The following AGBL1 variants were observed in gnomAD, a reference collection of about 807,000 sequenced individuals.
The protein encoded by AGBL1 is AGBL carboxypeptidase 1.
Under a neutral mutation model 118.9 loss-of-function variants are expected in AGBL1, and 130 were observed. The ratio of observed to expected loss-of-function variants is 1.09; its 90% CI spans 0.95 to 1.26. AGBL1 has a LOEUF of 1.26. Among genes scored for constraint, AGBL1 ranks in the 50% most tolerant of loss-of-function variants. The pLI is 0.00. For missense variants in AGBL1, 1,584 were observed against 1,298.1 expected (o/e 1.22, Z -3.38); for synonymous variants, 555 against 478.9 (o/e 1.16, Z -2.08).
At chr15:86,246,700 G>A (rs1038663539) in intron 6 of AGBL1, among the ~76,000 whole-genome samples, 1 of 136,526 alleles carries the variant, frequency 7.3e-6, no homozygotes, top group South Asian at 2.4e-4. Flanking sequence ...CTTAAGTCAT[G>A]CCTAAAAAAT....
intron 19 of AGBL1, among the ~76,000 whole-genome samples, chr15:86,527,031 G>C (rs1567040869): frequency 6.6e-6 from 1 of 152,108 alleles, no homozygotes; most frequent in Non-Finnish European, 1.5e-5. Flanking sequence ...CTACACTGCT[G>C]AAAATGTACA....
intron 6 of AGBL1, among the ~76,000 whole-genome samples, chr15:86,226,490 T>A (rs2078365771): frequency 6.6e-6 from 1 of 152,176 alleles, no homozygotes; most frequent in South Asian, 2.1e-4. Flanking sequence ...ACATACACAC[T>A]TTCCTTAGCT....
chr15:86,567,996 C>T (rs2083941526), intron 21 of AGBL1, among the ~76,000 whole-genome samples: 1 of 152,116 alleles, frequency 6.6e-6, no homozygotes, highest in South Asian at 2.1e-4. Flanking sequence ...TTCTGATCTT[C>T]TTTGGGATAG....
intron 6 of AGBL1, among the ~76,000 whole-genome samples, chr15:86,233,219 A>G (rs1681695862): frequency 6.6e-6 from 1 of 152,226 alleles, no homozygotes; most frequent in Non-Finnish European, 1.5e-5. Context: ...CTCTGGGTTC[A>G]ATGCAGCCAT....
chr15:86,283,543 GA>G (rs1264678121), intron 16 of AGBL1, among the ~76,000 whole-genome samples: 1 of 151,940 alleles, frequency 6.6e-6, no homozygotes, highest in African/African-American at 2.4e-5. Context: ...AGAAAGAAAA[GA>G]AAAGGAATTA....
chr15:86,736,782 G>C (rs937516728), intron 22 of AGBL1, among the ~76,000 whole-genome samples: 1 of 152,094 alleles, frequency 6.6e-6, no homozygotes, highest in South Asian at 2.1e-4. Context: ...TTAATACCTG[G>C]CTTTTAGACA....
chr15:86,388,464 T>TA (rs2081229593), intron 17 of AGBL1, among the ~76,000 whole-genome samples: 1 of 152,178 alleles, frequency 6.6e-6, no homozygotes, highest in South Asian at 2.1e-4. Context: ...TTGCCATTGA[T>TA]AATCATTAAA....
chr15:86,695,340 G>T lies in AGBL1; in HGVS notation c.3158+20904G>T, dbSNP rs117208296. ...AACTGGGAGGGTTGTATATCTCCAAGAATTTATCCATCTCCTCTAGGTTTT... is the reference window on the plus strand; with the variant it reads ...AACTGGGAGGGTTGTATATCTCCAATAATTTATCCATCTCCTCTAGGTTTT... On this transcript the variant is annotated intron_variant, in intron 22 of 22. Transcript: ENST00000614907. Among the ~76,000 whole-genome samples, 252 of 152,128 alleles carry T rather than the reference G, an allele frequency of 1.7e-3. 3 individuals carry two copies. The East Asian group carries it at 0.02, about 12-fold the overall frequency.
chr15:86,156,468 C>T (rs561307454), intron 4 of AGBL1, among the ~76,000 whole-genome samples: 1 of 152,180 alleles, frequency 6.6e-6, no homozygotes, highest in Non-Finnish European at 1.5e-5. Flanking sequence ...TCTAAAGGCC[C>T]TATCTCCAGA....
At chr15:86,921,360 G>A (rs1315528152) in intron 23 of AGBL1, among the ~76,000 whole-genome samples, 3 of 152,142 alleles carry the variant, frequency 2.0e-5, no homozygotes, top group Non-Finnish European at 4.4e-5. Flanking sequence ...TGAGGTCTAC[G>A]TGCCAGTGTA....
At chr15:86,468,313 T>C (rs535350072) in intron 18 of AGBL1, among the ~76,000 whole-genome samples, 17 of 152,270 alleles carry the variant, frequency 1.1e-4, no homozygotes, top group African/African-American at 4.1e-4. Flanking sequence ...AGAACGGAAA[T>C]CTAGAAACCC....
intron 22 of AGBL1, among the ~76,000 whole-genome samples, chr15:86,866,536 T>C: frequency 6.6e-6 from 1 of 152,192 alleles, no homozygotes; most frequent in Admixed American, 6.5e-5. Context: ...TTTTTCTAGA[T>C]GCTGGCAAAT....
intron 1 of AGBL1, among the ~76,000 whole-genome samples, chr15:86,104,547 G>A (rs116856204): frequency 0.013 from 1,988 of 152,258 alleles, 16 homozygotes; most frequent in East Asian, 0.024. Flanking sequence ...TGTATGTGGG[G>A]GAGTCTTCTC....
intron 17 of AGBL1, among the ~76,000 whole-genome samples, chr15:86,334,447 G>A (rs540740183): frequency 3.9e-4 from 60 of 152,166 alleles, no homozygotes; most frequent in African/African-American, 1.3e-3. Context: ...CTAGGAATAC[G>A]TCTAACCAAG....
At chr15:86,880,651 ATG>A (rs1461294310) in intron 22 of AGBL1, among the ~76,000 whole-genome samples, 1 of 151,994 alleles carries the variant, frequency 6.6e-6, no homozygotes, top group African/African-American at 2.4e-5. Context: ...GTGTGTATGC[ATG>A]TGTGTGGATG....
At chr15:86,609,092 G>T (rs1351220790) in intron 21 of AGBL1, among the ~76,000 whole-genome samples, 1 of 152,106 alleles carries the variant, frequency 6.6e-6, no homozygotes, top group African/African-American at 2.4e-5. Context: ...TCTTGTGAAT[G>T]CATATTACAC....
intron 21 of AGBL1, among the ~76,000 whole-genome samples, chr15:86,554,961 C>T (rs1355112740): frequency 6.6e-6 from 1 of 152,120 alleles, no homozygotes; most frequent in African/African-American, 2.4e-5. Context: ...ATTGTGTTTC[C>T]ATCTTCTGCG....
At chr15:86,567,630 T>C (rs955590842) in intron 21 of AGBL1, among the ~76,000 whole-genome samples, 140 of 152,242 alleles carry the variant, frequency 9.2e-4, no homozygotes, top group African/African-American at 3.2e-3. Context: ...AGATAACCTT[T>C]AGAGGAATAT....
intron 18 of AGBL1, among the ~76,000 whole-genome samples, chr15:86,469,205 G>A (rs2142098889): frequency 6.6e-6 from 1 of 152,222 alleles, no homozygotes; most frequent in East Asian, 1.9e-4. Flanking sequence ...CTGAAACTTT[G>A]TACCATTTGA....
Sources: allele counts gnomAD v4.1 joint callset (sites outside exome capture counted in the v4.1 genomes callset), GRCh38; gene constraint gnomAD v4.1.1; transcripts MANE v1.5; gene names NCBI Gene and HGNC (gene_info 2026-07-23, HGNC 2026-07-21).